Variants in RNF216 observed in about 807,000 individuals in gnomAD.
The protein encoded by RNF216 is E3 ubiquitin-protein ligase RNF216.
RNF216 carries 72 observed loss-of-function variants against 110.8 expected under a neutral mutation model. The ratio of observed to expected loss-of-function variants is 0.65; its 90% CI spans 0.54 to 0.79. RNF216 has a LOEUF of 0.79. RNF216 is among the 30% of genes least tolerant of loss of function. The pLI is 0.00. For missense variants in RNF216, 1,342 were observed against 1,141.2 expected (o/e 1.18, Z -2.54); for synonymous variants, 495 against 407.5 (o/e 1.21, Z -2.59).
rs138562671 is a variant in RNF216, at chr7:5,665,087, C to T, written c.2062-12577G>A. On this transcript the variant is annotated intron_variant, in intron 13 of 16. Transcript: ENST00000389902. ...TGCTGCGATTACAGGCACGAACCACCGCACCCAGCCAGGACACACAAAATT... is the reference window on the plus strand; with the variant it reads ...TGCTGCGATTACAGGCACGAACCACTGCACCCAGCCAGGACACACAAAATT... Among the ~76,000 whole-genome samples the T allele has an allele frequency of 6.0e-4, 92 of 152,306 alleles. 1 individual carries two copies. Among genetic ancestry groups the T allele is most frequent in the African/African-American group, 2.0e-3 (84 of 41,558 alleles).
At position 5,622,624 on chromosome 7, in the gene RNF216, G is replaced by A; in HGVS notation, c.*236C>T. 2.0e-6 allele frequency: 1 copy of A among 511,830 alleles called. No homozygotes were observed. Among genetic ancestry groups the A allele is most frequent in the Non-Finnish European group, 3.5e-6 (1 of 288,658 alleles). The allele number at this position is 511,830 out of a possible 1,614,324, so 31.7% of individuals were successfully genotyped here. A position where few individuals can be genotyped will look rare whatever the true frequency, so the allele number is the denominator to read the frequency against. On this transcript the variant is annotated 3_prime_UTR_variant, in exon 17 of 17. Coordinates refer to ENST00000389902, the MANE Select transcript of RNF216 (RefSeq NM_207111.4). ...TGGTGGCCTGGGGGATGCGAGGGGA[G>A]GGGCAGTTCACATCGCAGCTCTCTC...
At chr7:5,709,015 T>C (rs2128626906) in intron 13 of RNF216, among the ~76,000 whole-genome samples, 1 of 152,286 alleles carries the variant, frequency 6.6e-6, no homozygotes, top group East Asian at 1.9e-4. Flanking sequence ...CCAGGTCCCA[T>C]CAGTGCTTCA....
At chr7:5,670,830 T>C (rs910857890) in intron 13 of RNF216, among the ~76,000 whole-genome samples, 4 of 152,116 alleles carry the variant, frequency 2.6e-5, no homozygotes, top group Admixed American at 2.6e-4. Context: ...GGGAGGAACT[T>C]GTAGTGGTGG....
chr7:5,760,009 C>A (rs1268171599), intron 2 of RNF216, among the ~76,000 whole-genome samples: 2 of 152,138 alleles, frequency 1.3e-5, no homozygotes, highest in East Asian at 3.9e-4. Flanking sequence ...AAAATATTAT[C>A]AATGGGAGAA....
At chr7:5,767,085 C>G (rs1305426712) in intron 1 of RNF216, 1 of 152,220 alleles carries the variant, frequency 6.6e-6, no homozygotes, top group African/African-American at 2.4e-5. Context: ...TTTACAGAGA[C>G]TTTGGCTCTG....
intron 8 of RNF216, among the ~76,000 whole-genome samples, chr7:5,724,793 A>ATT (rs1793648676): frequency 1.3e-5 from 2 of 152,216 alleles, no homozygotes; most frequent in African/African-American, 2.4e-5. Context: ...AACTCAGATA[A>ATT]AATCTGAGTT....
intron 3 of RNF216, among the ~76,000 whole-genome samples, chr7:5,747,389 A>C (rs758022692): frequency 1.3e-5 from 2 of 152,222 alleles, no homozygotes; most frequent in African/African-American, 2.4e-5. Context: ...GCAGAAGCAG[A>C]ATATTATTTT....
chr7:5,684,603 C>G (rs1253468410), intron 13 of RNF216, among the ~76,000 whole-genome samples: 2 of 152,164 alleles, frequency 1.3e-5, no homozygotes, highest in Non-Finnish European at 2.9e-5. Context: ...CAGTAAAGCC[C>G]ATCCCATGTA....
intron 13 of RNF216, among the ~76,000 whole-genome samples, chr7:5,678,038 TGTCTTC>T (rs1407172047): frequency 2.0e-5 from 3 of 152,136 alleles, no homozygotes; most frequent in Non-Finnish European, 2.9e-5. Context: ...CCTACACACC[TGTCTTC>T]GTCTTGGTGG....
At chr7:5,683,208 G>C (rs1286315377) in intron 13 of RNF216, among the ~76,000 whole-genome samples, 2 of 151,958 alleles carry the variant, frequency 1.3e-5, no homozygotes, top group African/African-American at 4.8e-5. Flanking sequence ...ATGAAGACAG[G>C]GCCAGTGGAA....
At chr7:5,720,205 A>AC in intron 9 of RNF216, among the ~76,000 whole-genome samples, 1 of 152,260 alleles carries the variant, frequency 6.6e-6, no homozygotes. Context: ...AACTGTGGGG[A>AC]CCCACTTATG....
In RNF216 at chr7:5,690,534, G is replaced by T. The variant is rs200817631; in HGVS notation, c.2061+21227C>A. Among the ~76,000 whole-genome samples the T allele has an allele frequency of 1.3e-3, 192 of 152,176 alleles. 1 individual carries two copies. The highest frequency in any genetic ancestry group is 6.2e-3 in the South Asian group (30 of 4,826). Reference sequence around the variant, plus strand: ...GCACCATCTACCACTTAGACCAGGGGAGGAGGCGCCACCTTCACCTCCCCT... The same window carrying T: ...GCACCATCTACCACTTAGACCAGGGTAGGAGGCGCCACCTTCACCTCCCCT... On this transcript the variant is annotated intron_variant, in intron 13 of 16. Coordinates refer to ENST00000389902, the MANE Select transcript of RNF216 (RefSeq NM_207111.4).
At chr7:5,747,571 G>C (rs1795091900) in intron 3 of RNF216, among the ~76,000 whole-genome samples, 1 of 151,842 alleles carries the variant, frequency 6.6e-6, no homozygotes, top group Admixed American at 6.6e-5. Context: ...CAGATCCTAA[G>C]GTTTTGTCTG....
At chr7:5,663,113 T>G (rs1789257740) in intron 13 of RNF216, among the ~76,000 whole-genome samples, 1 of 152,218 alleles carries the variant, frequency 6.6e-6, no homozygotes, top group South Asian at 2.1e-4. Flanking sequence ...ACTTGCTCAC[T>G]GGGCTCCCAC....
chr7:5,686,523 G>T (rs1484666806), intron 13 of RNF216, among the ~76,000 whole-genome samples: 1 of 152,196 alleles, frequency 6.6e-6, no homozygotes, highest in Non-Finnish European at 1.5e-5. Context: ...AGTGCCTTTA[G>T]GAAAGCTGAG....
At chr7:5,629,098 C>T (rs1325736489) in intron 15 of RNF216, among the ~76,000 whole-genome samples, 1 of 151,078 alleles carries the variant, frequency 6.6e-6, no homozygotes, top group Non-Finnish European at 1.5e-5. Context: ...ACTCTGGAAG[C>T]TGAGGCAGAA....
rs188422069 is a variant in RNF216 at position 5,763,439 on chromosome 7, G to A, written c.-69-2301C>T. ...TGAGGTCAGGAGTTTGATACTAGCC[G>A]GGCCAACGTGGTGAAACCCATTTCT... is the stretch of plus-strand genomic sequence containing the variant. On this transcript the variant is annotated intron_variant, in intron 1 of 16. Transcript: ENST00000389902. Among the ~76,000 whole-genome samples the A allele has an allele frequency of 2.4e-4, 36 of 152,028 alleles. No homozygotes were observed. The East Asian group carries it at 3.3e-3, about 14-fold the overall frequency.
intron 13 of RNF216, among the ~76,000 whole-genome samples, chr7:5,660,778 C>T (rs1789067994): frequency 6.6e-6 from 1 of 150,778 alleles, no homozygotes; most frequent in African/African-American, 2.4e-5. Flanking sequence ...CCATGTTGCC[C>T]AGGCTGGTCT....
chr7:5,770,849 C>T (rs1796457332), intron 1 of RNF216, among the ~76,000 whole-genome samples: 1 of 151,828 alleles, frequency 6.6e-6, no homozygotes, highest in East Asian at 1.9e-4. Flanking sequence ...GCTCTGTCGC[C>T]CAGGCCGGAG....
Sources: gnomAD v4.1 joint callset for allele counts (sites outside exome capture counted in the v4.1 genomes callset) on GRCh38, gnomAD v4.1.1 for gene constraint, MANE v1.5 for transcripts, NCBI Gene and HGNC (gene_info 2026-07-23, HGNC 2026-07-21) for gene names.